Variants in MUC3A observed in about 807,000 individuals in gnomAD.
MUC3A encodes the protein mucin 3A, cell surface associated.
MUC3A carries 109 observed loss-of-function variants against 109.0 expected under a neutral mutation model. The observed-to-expected ratio is 1.00, with a 90% CI of 0.86 to 1.17. The LOEUF is 1.17. Ranked by LOEUF, MUC3A falls within the 50% of genes most tolerant of loss-of-function variation. The pLI is 0.00. For synonymous variants in MUC3A, 1,398 were observed against 981.4 expected, an observed-to-expected ratio of 1.42 and a Z score of -7.93; for missense variants, 3,537 against 2,469.4, an observed-to-expected ratio of 1.43 and a Z score of -9.16.
Position 100,959,163 on chromosome 7 carries a change from C to G in MUC3A, c.7384C>G (p.His2462Asp), listed in dbSNP as rs1434385417. 18 of 1,562,722 alleles carry G rather than the reference C, an allele frequency of 1.2e-5. No individual in the cohort carries two copies. The highest frequency in any genetic ancestry group is 4.7e-5 in the African/African-American group (3 of 64,316). ...CACATCCACAACTGCCATCACCTCA[C>G]ATTTTACTACCTCAGAGACTGCGGT... is the stretch of plus-strand genomic sequence containing the variant. ...VSTSTTAITS[H>D]FTTSETAVTP... The change falls in exon 2 of 12, where the codon CAT (histidine) becomes GAT (aspartate). Residue 2462 changes from histidine (H) to aspartate (D), a missense_variant. Transcript: ENST00000379458.
Position 100,952,915 on chromosome 7 carries a change from C to A in MUC3A, c.1136C>A (p.Thr379Lys). 4 of 1,586,860 alleles carry A rather than the reference C, an allele frequency of 2.5e-6. No individual in the cohort carries two copies. Among genetic ancestry groups the A allele is most frequent in the Non-Finnish European group, 3.4e-6 (4 of 1,174,106 alleles). Residue 379 changes from threonine to lysine, a missense_variant, in exon 2 of 12, where the codon ACA (threonine) becomes AAA (lysine). By Grantham distance (78) the Thr-to-Lys change is moderately conservative. Transcript: ENST00000379458. ...PTSSSLPTTETATTPMTNLVT... is the reference protein window; with the variant it reads ...PTSSSLPTTEKATTPMTNLVT... The stretch of plus-strand genomic sequence containing the variant: ...TCTTCCTCTCTCCCAACCACAGAAA[C>A]AGCCACGACTCCTATGACAAACTTG...
chr7:100,965,178 C>T (rs1297930878), intron 6 of MUC3A, 104 bp from the exon 7 acceptor site: 3 of 1,511,722 alleles, frequency 2.0e-6, no homozygotes, highest in Admixed American at 1.9e-5. Flanking sequence ...ACGGAGAGAG[C>T]CCTCACTGCC....
intron 3 of MUC3A, among the ~76,000 whole-genome samples, chr7:100,961,572 A>G (rs1792327974): frequency 6.6e-6 from 1 of 152,424 alleles, no homozygotes; most frequent in South Asian, 2.1e-4. Flanking sequence ...TCACACCTGT[A>G]ATCCCAGCAG....
intron 7 of MUC3A, 31 bp from the exon 8 acceptor site, chr7:100,965,673 G>C (rs1792507730): frequency 6.3e-7 from 1 of 1,585,862 alleles, no homozygotes; most frequent in African/African-American, 1.3e-5. Flanking sequence ...TGAGGTCCTT[G>C]TCTCTGTGCA....
At chr7:100,964,665 G>C (rs751223718) in intron 5 of MUC3A, 30 bp from the exon 6 acceptor site, 2 of 1,580,508 alleles carry the variant, frequency 1.3e-6, no homozygotes, top group Non-Finnish European at 1.7e-6. Flanking sequence ...TTCCTGGCTG[G>C]GGCACTCTCT....
intron 1 of MUC3A, among the ~76,000 whole-genome samples, 166 bp from the exon 2 acceptor site, chr7:100,951,675 C>CCT (rs1791947059): frequency 6.7e-6 from 1 of 149,620 alleles, no homozygotes; most frequent in African/African-American, 2.4e-5. Context: ...TCCAGCACCA[C>CCT]AAAGCACCCA....
intron 6 of MUC3A, 55 bp downstream of exon 6, chr7:100,964,898 C>A: frequency 6.5e-7 from 1 of 1,537,746 alleles, no homozygotes; most frequent in Non-Finnish European, 8.7e-7. Context: ...CCAGCCCACT[C>A]CAGCTCAGCC....
rs1792099561 is a variant in MUC3A, at chr7:100,956,477, T to C, written c.4698T>C (p.Thr1566=). The part of the protein sequence containing the change: ...MVTSTSMIPS[T]VSTGIPTSQP... ...CTTCTACATCCATGATCCCATCTAC[T>C]GTGAGTACAGGTATCCCTACCTCAC... is the stretch of plus-strand genomic sequence containing the variant. Residue 1566 remains threonine (T), a synonymous_variant, in exon 2 of 12, where the codon ACT becomes ACC. Transcript: ENST00000379458. The C allele has an allele frequency of 1.0e-5, 6 of 587,064 alleles. No homozygotes were observed. In the South Asian group the frequency reaches 1.5e-4, roughly 14 times the overall value. The allele number at this position is 587,064 out of a possible 1,614,324, so 36.4% of individuals were successfully genotyped here.
chr7:100,962,773 CCTTCTTTCTTTCTCTTTCTTTCTT>C (rs1208285017), intron 3 of MUC3A, among the ~76,000 whole-genome samples: 1 of 88,726 alleles, frequency 1.1e-5, no homozygotes, highest in Non-Finnish European at 2.3e-5. Flanking sequence ...TTCTTTCTTT[CCTTCTTTCTTTCTCTTTCTTTCTT>C]TCTCTCTCTC....
intron 7 of MUC3A, 115 bp from the exon 8 acceptor site, chr7:100,965,589 C>T (rs1266595709): frequency 1.3e-6 from 2 of 1,506,614 alleles, no homozygotes; most frequent in Non-Finnish European, 8.9e-7. Context: ...TACCCCACAG[C>T]ATCCCACCTC....
Position 100,958,126 on chromosome 7 carries a change from C to G in MUC3A, c.6347C>G (p.Thr2116Ser), listed in dbSNP as rs1792150207. 67 of 1,237,434 alleles carry G rather than the reference C, an allele frequency of 5.4e-5. No individual in the cohort carries two copies. Among genetic ancestry groups the G allele is most frequent in the Middle Eastern group, 2.0e-4 (1 of 5,088 alleles). The allele number at this position is 1,237,434 out of a possible 1,614,324, so 76.7% of individuals were successfully genotyped here. ...STPSFTSSIT[T>S]SEMPSHSTPS... ...CCCAGCTTCACTTCCTCAATCACCA[C>G]CTCTGAGATGCCCTCACACAGTACT... The change falls in exon 2 of 12, where the codon ACC becomes AGC. Residue 2116 changes from threonine to serine, a missense_variant. By Grantham distance (58) the Thr-to-Ser change is moderately conservative. Transcript: ENST00000379458.
Position 100,952,703 on chromosome 7 carries a change from C to A in MUC3A, c.924C>A (p.Ile308=), listed in dbSNP as rs74356244. The change falls in exon 2 of 12, where the codon ATC becomes ATA. Residue 308 remains isoleucine, a synonymous_variant. Coordinates refer to ENST00000379458, the MANE Select transcript of MUC3A (RefSeq NM_005960.2). The part of the protein sequence containing the change: ...VLSTETITSG[I]TNTTPLSTLV... ...GCACAGAAACAATCACCAGTGGTAT[C>A]ACAAACACCACCCCCCTATCCACCT... The A allele has an allele frequency of 6.4e-7, 1 of 1,569,860 alleles. No individual in the cohort carries two copies. Among genetic ancestry groups the A allele is most frequent in the Admixed American group, 1.8e-5 (1 of 56,508 alleles).
intron 3 of MUC3A, among the ~76,000 whole-genome samples, chr7:100,962,831 TTC>T (rs1563073217): frequency 1.2e-4 from 2 of 16,358 alleles, no homozygotes; most frequent in African/African-American, 2.5e-4. Flanking sequence ...CTTTCTTTCT[TTC>T]TTTTTCTCTC....
Position 100,960,194 on chromosome 7 carries a change from C to T in MUC3A, c.8415C>T (p.Val2805=). The change falls in exon 2 of 12, where the codon GTC becomes GTT. Residue 2805 remains valine (V), a synonymous_variant. Coordinates refer to ENST00000379458, the MANE Select transcript of MUC3A (RefSeq NM_005960.2). ...CTCCTCCCACCACCCCATTAACAGT[C>T]TTTCCCTTTACTACCGAAATGGTCA... ...ATSPPTTPLT[V]FPFTTEMVTC... 1 of 1,591,786 alleles carries T rather than the reference C, an allele frequency of 6.3e-7. No homozygotes were observed. Among genetic ancestry groups the T allele is most frequent in the Non-Finnish European group, 8.5e-7 (1 of 1,175,446 alleles).
chr7:100,960,995 C>T, intron 3 of MUC3A, 58 bp downstream of exon 3: 1 of 1,597,212 alleles, frequency 6.3e-7, no homozygotes, highest in East Asian at 2.2e-5. Context: ...ACTGACTCTC[C>T]CCAGACTTAT....
In MUC3A at chr7:100,952,133, C is replaced by T. The variant is rs752287360; in HGVS notation, c.354C>T (p.Thr118=). The change falls in exon 2 of 12, where the codon ACC becomes ACT. Residue 118 remains threonine (T), a synonymous_variant. Coordinates refer to ENST00000379458, the MANE Select transcript of MUC3A (RefSeq NM_005960.2). ...TCAAGGTTGAAACCACTCCACCCAC[C>T]GTGTTGGTCTATTCAGCCACCACTG... ...FAFKVETTPP[T]VLVYSATTEC... 1.4e-5 allele frequency: 23 copies of T among 1,598,408 alleles called. No homozygotes were observed. Among genetic ancestry groups the T allele is most frequent in the African/African-American group, 6.7e-5 (5 of 74,958 alleles).
chr7:100,959,306 TC>T lies in MUC3A; in HGVS notation c.7530del (p.Ser2511LeufsTer41). 2 of 1,577,302 alleles carry T rather than the reference TC, an allele frequency of 1.3e-6. No homozygotes were observed. Among genetic ancestry groups the T allele is most frequent in the Non-Finnish European group, 1.7e-6 (2 of 1,168,796 alleles). On this transcript the variant is annotated frameshift_variant, in exon 2 of 12. Coordinates refer to ENST00000379458, the MANE Select transcript of MUC3A (RefSeq NM_005960.2). LOFTEE classifies it high-confidence loss of function. ...CTTCATTGACTACAACCACAGACTT[TC>T]CCTCTATACCCACTGATATCAGTAC... ...STSLTTTTDFPSIPTDISTLP... is the reference protein window; with the variant it reads ...STSLTTTTDFXSIPTDISTLP...
intron 6 of MUC3A, 141 bp from the exon 7 acceptor site, chr7:100,965,141 T>A: frequency 3.7e-6 from 5 of 1,340,292 alleles, no homozygotes; most frequent in Non-Finnish European, 4.1e-6. Flanking sequence ...CCTGTGGCTC[T>A]CTCCGTCTGG....
rs941936908 is a variant in MUC3A, at chr7:100,967,614, C to T, written c.*452C>T. 3 of 306,608 alleles carry T rather than the reference C, an allele frequency of 9.8e-6. No individual in the cohort carries two copies. The highest frequency in any genetic ancestry group is 1.8e-5 in the Non-Finnish European group (3 of 164,814). 19.0% of individuals were successfully genotyped at this position (306,608 alleles called of 1,614,324 possible). ...GTTCTTATTTTCTCTCAATTCCCTA[C>T]TGCCTGTTTCTTACTTTGAACCTGG... On this transcript the variant is annotated 3_prime_UTR_variant, in exon 12 of 12. Coordinates refer to ENST00000379458, the MANE Select transcript of MUC3A (RefSeq NM_005960.2).
Sources: gnomAD v4.1 joint callset for allele counts (sites outside exome capture counted in the v4.1 genomes callset) on GRCh38, gnomAD v4.1.1 for gene constraint, MANE v1.5 for transcripts, NCBI Gene and HGNC (gene_info 2026-07-23, HGNC 2026-07-21) for gene names.